GNAQ: variants seen among roughly 807,000 people sequenced by gnomAD.
The protein encoded by GNAQ is guanine nucleotide-binding protein G(q) subunit alpha.
In GNAQ, 8 loss-of-function variants were observed where a neutral mutation model predicts 43.9. That is an observed-to-expected ratio of 0.18 (90% confidence interval 0.11 to 0.33). The LOEUF is 0.33. GNAQ is among the 10% of genes least tolerant of loss of function. GNAQ has a pLI of 1.00. For missense variants in GNAQ, 158 were observed against 450.8 expected, an observed-to-expected ratio of 0.35 and a Z score of 5.88; for synonymous variants, 155 against 170.7, an observed-to-expected ratio of 0.91 and a Z score of 0.71.
intron 1 of GNAQ, among the ~76,000 whole-genome samples, chr9:77,986,324 T>G (rs146201682): frequency 6.6e-6 from 1 of 152,172 alleles, no homozygotes; most frequent in Non-Finnish European, 1.5e-5. Context: ...TGCACCCTGG[T>G]CCAGATTCAG....
At chr9:77,846,675 C>G (rs1039145691) in intron 2 of GNAQ, among the ~76,000 whole-genome samples, 6 of 152,136 alleles carry the variant, frequency 3.9e-5, no homozygotes, top group Non-Finnish European at 7.3e-5. Flanking sequence ...GAGTGAAGCA[C>G]GTCCCTTTTA....
intron 5 of GNAQ, among the ~76,000 whole-genome samples, chr9:77,752,315 A>G (rs1825824981): frequency 6.6e-6 from 1 of 152,210 alleles, no homozygotes; most frequent in Admixed American, 6.5e-5. Context: ...GATGAGTTCT[A>G]ATGTTTCATT....
intron 1 of GNAQ, among the ~76,000 whole-genome samples, chr9:77,936,066 TAA>T (rs1564156628): frequency 6.6e-6 from 1 of 152,186 alleles, no homozygotes; most frequent in Non-Finnish European, 1.5e-5. Flanking sequence ...CTTGAGAAAG[TAA>T]AGTTAAAGAA....
intron 1 of GNAQ, among the ~76,000 whole-genome samples, chr9:77,989,541 GA>G (rs1170261681): frequency 3.9e-5 from 6 of 152,356 alleles, no homozygotes; most frequent in Admixed American, 3.3e-4. Context: ...CTCCCAAGAA[GA>G]AAACACTGCA....
At chr9:77,969,982 G>A (rs942756934) in intron 1 of GNAQ, among the ~76,000 whole-genome samples, 1 of 152,148 alleles carries the variant, frequency 6.6e-6, no homozygotes, top group Non-Finnish European at 1.5e-5. Flanking sequence ...ACTCTGGGAG[G>A]CAGAGGCGGG....
chr9:77,781,770 G>A (rs1229595186), intron 5 of GNAQ, among the ~76,000 whole-genome samples: 1 of 151,950 alleles, frequency 6.6e-6, no homozygotes, highest in Non-Finnish European at 1.5e-5. Flanking sequence ...AAATCATAGG[G>A]TCATATCAAC....
chr9:77,848,674 G>A (rs944921416), intron 2 of GNAQ, among the ~76,000 whole-genome samples: 2 of 152,174 alleles, frequency 1.3e-5, no homozygotes, highest in East Asian at 3.9e-4. Context: ...TCTATCCAGG[G>A]AGCTGAGCCT....
intron 1 of GNAQ, among the ~76,000 whole-genome samples, chr9:78,013,305 T>C (rs1823795772): frequency 7.0e-6 from 1 of 143,396 alleles, no homozygotes. Flanking sequence ...ATGTTTTTCT[T>C]ACAAGACTTT....
intron 2 of GNAQ, among the ~76,000 whole-genome samples, chr9:77,887,264 A>C (rs922035065): frequency 9.9e-5 from 15 of 152,236 alleles, no homozygotes; most frequent in African/African-American, 3.6e-4. Flanking sequence ...AGATTCCTGA[A>C]TAATGGCAGA....
intron 1 of GNAQ, among the ~76,000 whole-genome samples, chr9:78,016,545 C>G (rs938445898): frequency 6.6e-6 from 1 of 152,054 alleles, no homozygotes; most frequent in Non-Finnish European, 1.5e-5. Flanking sequence ...ATTAGCCAGG[C>G]GTCCCAGCTA....
chr9:77,837,340 T>C lies in GNAQ; in HGVS notation c.322-21570A>G, dbSNP rs535933376. On this transcript the variant is annotated intron_variant, in intron 2 of 6. Coordinates refer to ENST00000286548, the MANE Select transcript of GNAQ (RefSeq NM_002072.5). ...GCCGAGGCAGGCGGATCGCCTGAGG[T>C]CAGGAGTTCAAGACCAGGCTGGCCA... 2.4e-4 allele frequency among the ~76,000 whole-genome samples: 37 copies of C among 151,984 alleles called. 3 individuals are homozygous for C. The highest frequency in any genetic ancestry group is 8.7e-4 in the African/African-American group (36 of 41,452).
chr9:77,860,530 T>C (rs1235740458), intron 2 of GNAQ, among the ~76,000 whole-genome samples: 9 of 152,214 alleles, frequency 5.9e-5, no homozygotes, highest in Admixed American at 5.9e-4. Context: ...GCATTAGTTA[T>C]ATTCTCATAA....
At chr9:77,862,008 TAAAAAAAAAAA>T (rs56145947) in intron 2 of GNAQ, among the ~76,000 whole-genome samples, 1 of 118,118 alleles carries the variant, frequency 8.5e-6, no homozygotes, top group African/African-American at 3.6e-5. Context: ...CTGTCTGGGG[TAAAAAAAAAAA>T]AAAAAAAAAA....
rs796420026 is a variant in GNAQ at position 77,753,112 on chromosome 9, AG to A, written c.736-24446del. On this transcript the variant is annotated intron_variant, in intron 5 of 6. Transcript: ENST00000286548. ...AAAAAAAAAAAAAAAAAAAAGAAAAAGGAAAAAAAGAAGATTTAGTTGGCTT... is the reference window on the plus strand; with the variant it reads ...AAAAAAAAAAAAAAAAAAAAGAAAAAGAAAAAAAGAAGATTTAGTTGGCTT... Among the ~76,000 whole-genome samples the A allele has an allele frequency of 1.3e-3, 201 of 151,506 alleles. 2 individuals carry two copies. The highest frequency in any genetic ancestry group is 3.6e-3 in the African/African-American group (150 of 41,344).
At chr9:77,972,969 A>G (rs1823255643) in intron 1 of GNAQ, among the ~76,000 whole-genome samples, 2 of 150,226 alleles carry the variant, frequency 1.3e-5, no homozygotes, top group East Asian at 3.9e-4. Flanking sequence ...AAAAAAAAAA[A>G]TTCCTTTACT....
chr9:77,832,201 T>G (rs1827310492), intron 2 of GNAQ, among the ~76,000 whole-genome samples: 6 of 152,016 alleles, frequency 3.9e-5, no homozygotes, highest in Admixed American at 3.9e-4. Context: ...GCTTGCTAAC[T>G]GATAATGGAG....
chr9:77,751,279 C>A (rs1825806796), intron 5 of GNAQ, among the ~76,000 whole-genome samples: 1 of 152,114 alleles, frequency 6.6e-6, no homozygotes, highest in African/African-American at 2.4e-5. Flanking sequence ...TTGCTAAGAT[C>A]TGGAAGAATT....
chr9:77,984,048 GCAAA>G (rs1319416963), intron 1 of GNAQ, among the ~76,000 whole-genome samples: 7 of 24,712 alleles, frequency 2.8e-4, no homozygotes, highest in African/African-American at 1.4e-3. Flanking sequence ...ATTTTGGAGA[GCAAA>G]AAAAAAAAAA....
intron 5 of GNAQ, among the ~76,000 whole-genome samples, chr9:77,767,265 T>C (rs1253351427): frequency 6.6e-6 from 1 of 152,134 alleles, no homozygotes; most frequent in Non-Finnish European, 1.5e-5. Context: ...GGGGCTGTCC[T>C]GTGTGCCGCA....
Sources: gnomAD v4.1 joint callset for allele counts (sites outside exome capture counted in the v4.1 genomes callset) on GRCh38, gnomAD v4.1.1 for gene constraint, MANE v1.5 for transcripts, NCBI Gene and HGNC (gene_info 2026-07-23, HGNC 2026-07-21) for gene names.